The following FBXL20 variants were observed in gnomAD, a reference collection of about 807,000 sequenced individuals.
The protein encoded by FBXL20 is F-box and leucine rich repeat protein 20.
A neutral mutation model predicts 64.0 loss-of-function variants in FBXL20; 11 were observed. That is an observed-to-expected ratio of 0.17 (90% confidence interval 0.11 to 0.28). The LOEUF is 0.28. Ranked by LOEUF, FBXL20 falls within the 10% of genes least tolerant of loss-of-function variation. The pLI is 1.00. For synonymous variants in FBXL20, 184 were observed against 189.0 expected (o/e 0.97, Z 0.22); for missense variants, 303 against 526.2 (o/e 0.58, Z 4.15).
chr17:39,391,923 C>T (rs2048137409), intron 1 of FBXL20, among the ~76,000 whole-genome samples: 1 of 151,162 alleles, frequency 6.6e-6, no homozygotes, highest in South Asian at 2.1e-4. Flanking sequence ...GTGGGTGGAT[C>T]ACAAGGCCAG....
chr17:39,256,337 A>G lies in FBXL20; in HGVS notation c.*5123T>C, dbSNP rs986982469. On this transcript the variant is annotated 3_prime_UTR_variant, in exon 15 of 15. Transcript: ENST00000264658. ...CTCCATGTCAAAAAAAAAAAAAAAA[A>G]AAAGAAATATAGGCGAGGAAAGGCT... 40 of 152,064 alleles carry G rather than the reference A, an allele frequency of 2.6e-4. No homozygotes were observed. Among genetic ancestry groups the G allele is most frequent in the Middle Eastern group, 3.4e-3 (1 of 294 alleles). The allele number at this position is 152,064 out of a possible 1,614,324, so 9.4% of individuals were successfully genotyped here.
intron 2 of FBXL20, among the ~76,000 whole-genome samples, chr17:39,325,247 T>C (rs973782189): frequency 2.0e-5 from 3 of 152,066 alleles, no homozygotes; most frequent in Non-Finnish European, 4.4e-5. Context: ...AAAACTCTTG[T>C]GAAATGACTC....
chr17:39,385,038 C>T (rs1307986605), intron 1 of FBXL20, among the ~76,000 whole-genome samples: 4 of 152,186 alleles, frequency 2.6e-5, no homozygotes, highest in African/African-American at 4.8e-5. Context: ...TGCTGGGGCA[C>T]AGTGGCACAC....
At chr17:39,362,148 C>A (rs922228599) in intron 1 of FBXL20, among the ~76,000 whole-genome samples, 4 of 151,704 alleles carry the variant, frequency 2.6e-5, no homozygotes, top group Non-Finnish European at 5.9e-5. Flanking sequence ...AAAAAATTAG[C>A]CAGGAATGGT....
At chr17:39,266,283 G>C (rs1010303256) in intron 12 of FBXL20, among the ~76,000 whole-genome samples, 8 of 150,150 alleles carry the variant, frequency 5.3e-5, no homozygotes, top group Non-Finnish European at 1.0e-4. Context: ...GTGGTGGCAC[G>C]ATCTCAGCTC....
At chr17:39,384,717 G>A (rs970838238) in intron 1 of FBXL20, among the ~76,000 whole-genome samples, 1 of 152,076 alleles carries the variant, frequency 6.6e-6, no homozygotes, top group Non-Finnish European at 1.5e-5. Context: ...AGCACTTTGT[G>A]AGGCTGAGGC....
At chr17:39,282,447 AT>A (rs1197143254) in intron 8 of FBXL20, among the ~76,000 whole-genome samples, 1 of 152,190 alleles carries the variant, frequency 6.6e-6, no homozygotes, top group African/African-American at 2.4e-5. Context: ...TTCAGCACAA[AT>A]TAAACTGCAT....
chr17:39,317,703 T>TG (rs2047309387), intron 2 of FBXL20, among the ~76,000 whole-genome samples: 1 of 61,126 alleles, frequency 1.6e-5, no homozygotes, highest in Non-Finnish European at 2.9e-5. Context: ...TTTTTTTTGT[T>TG]TTTTTTTTTT....
intron 2 of FBXL20, among the ~76,000 whole-genome samples, chr17:39,323,280 A>G (rs566792522): frequency 2.7e-4 from 41 of 152,162 alleles, no homozygotes; most frequent in African/African-American, 7.9e-4. Context: ...TAACCTCATT[A>G]ATTCACAGCT....
chr17:39,345,196 A>AT (rs2047620951), intron 1 of FBXL20, among the ~76,000 whole-genome samples: 1 of 152,188 alleles, frequency 6.6e-6, no homozygotes, highest in South Asian at 2.1e-4. Flanking sequence ...AGACAATGGG[A>AT]TAAAAAAAGA....
At position 39,396,914 on chromosome 17, in the gene FBXL20, G is replaced by A. The variant is rs554631693; in HGVS notation, c.42+4447C>T. Among the ~76,000 whole-genome samples, 17 of 148,138 alleles carry A rather than the reference G, an allele frequency of 1.1e-4. No homozygotes were observed. The East Asian group carries it at 2.8e-3, about 24-fold the overall frequency. On this transcript the variant is annotated intron_variant, in intron 1 of 14. Transcript: ENST00000264658. ...GGAGTTTGCAGTGAGCTGACATCACGTCACTGCACTCCAGCCTGGGCGACA... is the reference window on the plus strand; with the variant it reads ...GGAGTTTGCAGTGAGCTGACATCACATCACTGCACTCCAGCCTGGGCGACA...
chr17:39,301,732 G>A (rs1212558498), intron 3 of FBXL20, among the ~76,000 whole-genome samples: 2 of 145,310 alleles, frequency 1.4e-5, no homozygotes, highest in African/African-American at 5.1e-5. Context: ...CATCTGGGGG[G>A]GAAAAATTAA....
intron 2 of FBXL20, among the ~76,000 whole-genome samples, chr17:39,318,146 T>C (rs1359878057): frequency 1.3e-5 from 2 of 152,214 alleles, no homozygotes; most frequent in Non-Finnish European, 2.9e-5. Flanking sequence ...TGACAATTAT[T>C]GAAGTGGGGT....
chr17:39,273,513 TCA>T (rs1432333702), intron 10 of FBXL20, among the ~76,000 whole-genome samples: 1 of 152,120 alleles, frequency 6.6e-6, no homozygotes, highest in East Asian at 1.9e-4. Context: ...TCTTTGTGCT[TCA>T]GTTTTCTCAT....
At chr17:39,326,688 T>C (rs1267199102) in intron 2 of FBXL20, among the ~76,000 whole-genome samples, 2 of 151,480 alleles carry the variant, frequency 1.3e-5, no homozygotes, top group Non-Finnish European at 2.9e-5. Context: ...TGCTATCATA[T>C]ACCTCACTGC....
At chr17:39,318,258 A>G (rs1456142475) in intron 2 of FBXL20, among the ~76,000 whole-genome samples, 1 of 152,184 alleles carries the variant, frequency 6.6e-6, no homozygotes, top group East Asian at 1.9e-4. Flanking sequence ...AAAGGAAGGC[A>G]GGTTGAGTTT....
intron 1 of FBXL20, among the ~76,000 whole-genome samples, chr17:39,372,616 A>ATT (rs200200903): frequency 2.9e-5 from 4 of 138,626 alleles, no homozygotes; most frequent in East Asian, 4.1e-4. Context: ...CTGTTTGATA[A>ATT]TTTTTTTTTT....
At chr17:39,373,693 A>AT (rs1325253611) in intron 1 of FBXL20, among the ~76,000 whole-genome samples, 1 of 152,208 alleles carries the variant, frequency 6.6e-6, no homozygotes, top group East Asian at 1.9e-4. Flanking sequence ...CAAAGCTTCA[A>AT]TTTTGTCTTA....
chr17:39,320,731 A>T (rs1207533656), intron 2 of FBXL20, among the ~76,000 whole-genome samples: 1 of 151,668 alleles, frequency 6.6e-6, no homozygotes, highest in East Asian at 1.9e-4. Context: ...AGCAGCTGGG[A>T]CTACAGGTAA....
Sources: allele counts gnomAD v4.1 joint callset (sites outside exome capture counted in the v4.1 genomes callset), GRCh38; gene constraint gnomAD v4.1.1; transcripts MANE v1.5; gene names NCBI Gene and HGNC (gene_info 2026-07-23, HGNC 2026-07-21).